The following THSD4 variants were observed in gnomAD, a reference collection of about 807,000 sequenced individuals.
The protein encoded by THSD4 is thrombospondin type 1 domain containing 4.
In THSD4, 69 loss-of-function variants were observed where a neutral mutation model predicts 119.0. That is an observed-to-expected ratio of 0.58 (90% CI 0.48 to 0.71). THSD4 has a LOEUF of 0.71. THSD4 is among the 30% of genes least tolerant of loss of function. THSD4 has a pLI of 0.00. For missense variants in THSD4, 1,393 were observed against 1,391.1 expected, an observed-to-expected ratio of 1.00 and a Z score of -0.02; for synonymous variants, 524 against 540.4, an observed-to-expected ratio of 0.97 and a Z score of 0.42.
intron 7 of THSD4, among the ~76,000 whole-genome samples, chr15:71,451,134 C>T (rs1052180156): frequency 6.6e-6 from 1 of 152,018 alleles, no homozygotes; most frequent in African/African-American, 2.4e-5. Context: ...GCCAAGGTCA[C>T]AACACTGCAC....
chr15:71,489,433 C>G (rs1335015031), intron 7 of THSD4, among the ~76,000 whole-genome samples: 2 of 152,064 alleles, frequency 1.3e-5, no homozygotes, highest in African/African-American at 4.8e-5. Flanking sequence ...AATCTCAGGC[C>G]GACAACCCCC....
At chr15:71,549,823 G>A (rs2048899746) in intron 7 of THSD4, 1 of 152,356 alleles carries the variant, frequency 6.6e-6, no homozygotes, top group Non-Finnish European at 1.5e-5. Context: ...GCAGTTTACA[G>A]TCAGTTTTCT....
At chr15:71,422,867 A>G (rs2046825667) in intron 7 of THSD4, among the ~76,000 whole-genome samples, 1 of 152,086 alleles carries the variant, frequency 6.6e-6, no homozygotes, top group Non-Finnish European at 1.5e-5. Context: ...CTGTTGCTCT[A>G]TTCTACTGCA....
intron 6 of THSD4, among the ~76,000 whole-genome samples, chr15:71,313,467 T>A (rs1252466336): frequency 6.6e-6 from 1 of 152,152 alleles, no homozygotes; most frequent in African/African-American, 2.4e-5. Flanking sequence ...TTTGGGGGAA[T>A]AACACACACT....
At position 71,780,542 on chromosome 15, in the gene THSD4, A is replaced by C. The variant is rs1240008857; in HGVS notation, c.*3168A>C. 1 of 275,424 alleles carries C rather than the reference A, an allele frequency of 3.6e-6. No homozygotes were observed. Among genetic ancestry groups the C allele is most frequent in the African/African-American group, 2.2e-5 (1 of 44,770 alleles). 17.1% of individuals were successfully genotyped at this position (275,424 alleles called of 1,614,324 possible). A position where few individuals can be genotyped will look rare whatever the true frequency, so the allele number is the denominator to read the frequency against. On this transcript the variant is annotated 3_prime_UTR_variant, in exon 18 of 18. Coordinates refer to ENST00000261862, the MANE Select transcript of THSD4 (RefSeq NM_024817.3). Reference sequence around the variant, plus strand: ...AAAAAACAAACAAAAACACCAAAAGAAAAAAAAAAGCCATTTAAAGCCAGC... The same window carrying C: ...AAAAAACAAACAAAAACACCAAAAGCAAAAAAAAAGCCATTTAAAGCCAGC...
chr15:71,169,638 T>G (rs777549190), intron 3 of THSD4, among the ~76,000 whole-genome samples: 3 of 152,234 alleles, frequency 2.0e-5, no homozygotes, highest in Non-Finnish European at 2.9e-5. Context: ...CACCAGGGAT[T>G]GGATTTACCT....
chr15:71,731,078 G>A (rs1452125526), intron 9 of THSD4, 43 bp from the exon 10 acceptor site: 1 of 1,588,980 alleles, frequency 6.3e-7, no homozygotes, highest in Non-Finnish European at 8.6e-7. Context: ...GAAGGGGTGT[G>A]CATACGTGCC....
At chr15:71,748,689 C>A in intron 14 of THSD4, 95 bp downstream of exon 14, 1 of 1,452,816 alleles carries the variant, frequency 6.9e-7, no homozygotes, top group Non-Finnish European at 9.3e-7. Context: ...AATCCCAAGA[C>A]TGATTTCTGG....
At chr15:71,598,360 G>A (rs1454422358) in intron 7 of THSD4, among the ~76,000 whole-genome samples, 5 of 152,112 alleles carry the variant, frequency 3.3e-5, no homozygotes, top group African/African-American at 1.2e-4. Context: ...CATCCCTGAG[G>A]CCATGAGTTT....
At chr15:71,617,004 C>G (rs751149974) in intron 7 of THSD4, among the ~76,000 whole-genome samples, 20 of 152,184 alleles carry the variant, frequency 1.3e-4, no homozygotes, top group Non-Finnish European at 2.8e-4. Context: ...AAGGGACTTC[C>G]AACCTGTTAC....
chr15:71,481,975 C>T (rs2047736833), intron 7 of THSD4, among the ~76,000 whole-genome samples: 1 of 152,176 alleles, frequency 6.6e-6, no homozygotes, highest in Non-Finnish European at 1.5e-5. Context: ...AAGTGCCCTT[C>T]CCAAAGTCCA....
chr15:71,423,982 C>G (rs2046839531), intron 7 of THSD4, among the ~76,000 whole-genome samples: 1 of 152,098 alleles, frequency 6.6e-6, no homozygotes, highest in Non-Finnish European at 1.5e-5. Context: ...ATACAAAGTC[C>G]CACATCACTG....
At chr15:71,577,837 C>G (rs908764134) in intron 7 of THSD4, among the ~76,000 whole-genome samples, 22 of 151,588 alleles carry the variant, frequency 1.5e-4, no homozygotes, top group Admixed American at 3.9e-4. Flanking sequence ...TCTTCTGCCT[C>G]AGCCTCCCGA....
intron 4 of THSD4, among the ~76,000 whole-genome samples, chr15:71,230,211 G>A (rs558320969): frequency 6.6e-6 from 1 of 152,248 alleles, no homozygotes; most frequent in East Asian, 1.9e-4. Context: ...AACTCATTTG[G>A]TCTCCTCTAA....
At chr15:71,483,237 C>T (rs769073970) in intron 7 of THSD4, among the ~76,000 whole-genome samples, 69 of 152,288 alleles carry the variant, frequency 4.5e-4, no homozygotes, top group Middle Eastern at 3.4e-3. Flanking sequence ...AGACTGATTA[C>T]GCAGTCACAG....
intron 7 of THSD4, among the ~76,000 whole-genome samples, chr15:71,583,646 G>A (rs976673435): frequency 1.3e-5 from 2 of 151,664 alleles, no homozygotes; most frequent in African/African-American, 2.4e-5. Flanking sequence ...TTTCCCTTTC[G>A]ATTTCTTCCT....
intron 8 of THSD4, among the ~76,000 whole-genome samples, chr15:71,718,648 C>T (rs1392367185): frequency 3.9e-5 from 6 of 152,180 alleles, no homozygotes; most frequent in Non-Finnish European, 7.4e-5. Flanking sequence ...AAACTCATCT[C>T]CAGGGGCTCC....
chr15:71,127,571 C>T (rs1567132838), intron 1 of THSD4, among the ~76,000 whole-genome samples: 1 of 152,332 alleles, frequency 6.6e-6, no homozygotes. Context: ...TACTCACCAA[C>T]ACTTGATTTA....
intron 7 of THSD4, among the ~76,000 whole-genome samples, chr15:71,464,161 C>T (rs1427651001): frequency 1.3e-5 from 2 of 152,216 alleles, no homozygotes; most frequent in Non-Finnish European, 2.9e-5. Context: ...TTGGTTTAGA[C>T]AGTCCACTCT....
Sources: gnomAD v4.1 joint callset for allele counts (sites outside exome capture counted in the v4.1 genomes callset) on GRCh38, gnomAD v4.1.1 for gene constraint, MANE v1.5 for transcripts, NCBI Gene and HGNC (gene_info 2026-07-23, HGNC 2026-07-21) for gene names.